Variants in OPN3 observed in about 807,000 individuals in gnomAD.
The protein encoded by OPN3 is opsin-3.
A neutral mutation model predicts 33.8 loss-of-function variants in OPN3; 29 were observed. The observed-to-expected ratio is 0.86, with a 90% CI of 0.64 to 1.17. The LOEUF is 1.17. OPN3 is among the 50% of genes most tolerant of loss of function. The pLI, the probability that OPN3 is intolerant of heterozygous loss-of-function variation, is 0.00. For missense variants in OPN3, 437 were observed against 514.1 expected (o/e 0.85, Z 1.45); for synonymous variants, 216 against 216.1 (o/e 1.00, Z 0.00).
intron 3 of OPN3, 98 bp from the exon 4 acceptor site, chr1:241,594,789 T>A: frequency 7.0e-7 from 1 of 1,433,304 alleles, no homozygotes; most frequent in Non-Finnish European, 9.5e-7. Flanking sequence ...TTAAGTTGTT[T>A]TTTGTTTGTT....
At position 241,614,335 on chromosome 1, in the gene OPN3, C is replaced by CT. The variant is rs577876238; in HGVS notation, c.374-9757_374-9756insA. Among the ~76,000 whole-genome samples the CT allele has an allele frequency of 2.1e-3, 309 of 149,724 alleles. 4 individuals are homozygous for CT. Among genetic ancestry groups the CT allele is most frequent in the South Asian group, 0.02 (97 of 4,818 alleles). Reference sequence around the variant, plus strand: ...GAAGAGAACGATTGAATGAGGCAGGCCACATGCTGTGGTCTGTGGCTAGCT... The same window carrying CT: ...GAAGAGAACGATTGAATGAGGCAGGCTCACATGCTGTGGTCTGTGGCTAGCT... On this transcript the variant is annotated intron_variant, in intron 1 of 3. Coordinates refer to ENST00000366554, the MANE Select transcript of OPN3 (RefSeq NM_014322.3).
intron 1 of OPN3, among the ~76,000 whole-genome samples, chr1:241,606,494 G>A (rs891396893): frequency 1.3e-5 from 2 of 151,672 alleles, no homozygotes; most frequent in East Asian, 1.9e-4. Flanking sequence ...GCAGTGAGCC[G>A]AGTTCGTGCC....
intron 1 of OPN3, chr1:241,635,927 T>G: frequency 1.5e-6 from 1 of 660,338 alleles, no homozygotes. Flanking sequence ...ATTTTTTTTC[T>G]TATAAGTCAG....
chr1:241,608,500 TAG>T (rs1158752847), intron 1 of OPN3, among the ~76,000 whole-genome samples: 1 of 152,028 alleles, frequency 6.6e-6, no homozygotes, highest in Non-Finnish European at 1.5e-5. Context: ...CTATGAAGAA[TAG>T]AGAGTGCAGG....
At chr1:241,600,540 G>T (rs950464880) in intron 2 of OPN3, 2 of 152,164 alleles carry the variant, frequency 1.3e-5, no homozygotes, top group South Asian at 4.1e-4. Context: ...ATAAATGGCT[G>T]GTGCCTAGTG....
intron 1 of OPN3, chr1:241,639,374 T>G (rs982877014): frequency 3.3e-5 from 5 of 152,322 alleles, no homozygotes; most frequent in African/African-American, 1.2e-4. Flanking sequence ...AGAATTTTTT[T>G]TTACACATTG....
chr1:241,619,875 A>G (rs1483024865), intron 1 of OPN3, among the ~76,000 whole-genome samples: 1 of 152,254 alleles, frequency 6.6e-6, no homozygotes, highest in Non-Finnish European at 1.5e-5. Context: ...TCTTCTTTAA[A>G]TGTTTGAGTT....
chr1:241,615,842 A>C (rs747506932), intron 1 of OPN3: 12 of 456,410 alleles, frequency 2.6e-5, no homozygotes, highest in South Asian at 1.9e-4. Context: ...CACTGTCACC[A>C]CCATTGCATA....
intron 1 of OPN3, among the ~76,000 whole-genome samples, chr1:241,625,200 C>T (rs1433243241): frequency 6.6e-6 from 1 of 152,186 alleles, no homozygotes; most frequent in Non-Finnish European, 1.5e-5. Flanking sequence ...ATAGTTAACA[C>T]CCATCTATAA....
intron 1 of OPN3, among the ~76,000 whole-genome samples, chr1:241,605,015 C>T (rs1415525339): frequency 6.0e-5 from 9 of 149,316 alleles, no homozygotes; most frequent in Non-Finnish European, 1.3e-4. Context: ...GAGATTGCGC[C>T]ACTGCACACC....
intron 1 of OPN3, among the ~76,000 whole-genome samples, chr1:241,615,117 G>GA (rs1281156731): frequency 6.7e-6 from 1 of 149,960 alleles, no homozygotes; most frequent in Non-Finnish European, 1.5e-5. Flanking sequence ...GGCTGAGTGG[G>GA]AAAAAAGTTT....
At chr1:241,608,590 A>T (rs558986869) in intron 1 of OPN3, among the ~76,000 whole-genome samples, 4 of 152,322 alleles carry the variant, frequency 2.6e-5, no homozygotes, top group Admixed American at 6.5e-5. Context: ...TCAGGAAAAG[A>T]CCCATTGCAC....
At chr1:241,622,330 G>A (rs79683228) in intron 1 of OPN3, among the ~76,000 whole-genome samples, 1 of 152,220 alleles carries the variant, frequency 6.6e-6, no homozygotes, top group African/African-American at 2.4e-5. Context: ...ATCTCCTTAG[G>A]TTAAATTCTT....
chr1:241,594,274 G>A lies in OPN3; in HGVS notation c.*154C>T, dbSNP rs1663426391. 3 of 777,434 alleles carry A rather than the reference G, an allele frequency of 3.9e-6. No individual in the cohort carries two copies. Among genetic ancestry groups the A allele is most frequent in the Admixed American group, 5.8e-5 (2 of 34,330 alleles). The allele number at this position is 777,434 out of a possible 1,614,324, so 48.2% of individuals were successfully genotyped here. A position where few individuals can be genotyped will look rare whatever the true frequency, so the allele number is the denominator to read the frequency against. On this transcript the variant is annotated 3_prime_UTR_variant, in exon 4 of 4. Transcript: ENST00000366554. ...ATTTGTTTTTGTTCAACCTCTTCCT[G>A]AGGCCCAAGAGCATATGGGCAATTC...
chr1:241,610,099 A>G (rs1024576971), intron 1 of OPN3, among the ~76,000 whole-genome samples: 6 of 152,244 alleles, frequency 3.9e-5, no homozygotes, highest in Non-Finnish European at 8.8e-5. Flanking sequence ...GGTTTTGAAG[A>G]CAGCGGTCTG....
At position 241,605,065 on chromosome 1, in the gene OPN3, A is replaced by AATAAAAT. The variant is rs3034562; in HGVS notation, c.374-487_374-486insATTTTAT. Among the ~76,000 whole-genome samples, 5 of 143,100 alleles carry AATAAAAT rather than the reference A, an allele frequency of 3.5e-5. No individual in the cohort carries two copies. The Admixed American group carries it at 3.5e-4, about 10-fold the overall frequency. The allele number at this position is 143,100 out of a possible 152,430, so 93.9% of individuals were successfully genotyped here. ...AGCCAGACCTTATCTCAAAAAAAAA[A>AATAAAAT]AAAATAAAATAAAATAAAATGGAAA... On this transcript the variant is annotated intron_variant, in intron 1 of 3. Transcript: ENST00000366554.
At chr1:241,606,877 A>C (rs1428064089) in intron 1 of OPN3, among the ~76,000 whole-genome samples, 1 of 152,192 alleles carries the variant, frequency 6.6e-6, no homozygotes, top group African/African-American at 2.4e-5. Flanking sequence ...TCCCCACGAA[A>C]TAGCTCTGTA....
Position 241,613,778 on chromosome 1 carries a change from C to T in OPN3, c.374-9199G>A, listed in dbSNP as rs75223084. Among the ~76,000 whole-genome samples, 28 of 152,224 alleles carry T rather than the reference C, an allele frequency of 1.8e-4. No homozygotes were observed. The East Asian group carries it at 5.2e-3, about 28-fold the overall frequency. ...TGGAAACTGCATTCTATTAAATTTT[C>T]ATGTTCAGTAGTCTTCATATTTCGT... is the stretch of plus-strand genomic sequence containing the variant. On this transcript the variant is annotated intron_variant, in intron 1 of 3. Transcript: ENST00000366554.
At chr1:241,599,599 G>T (rs1006468880) in intron 2 of OPN3, among the ~76,000 whole-genome samples, 2 of 152,062 alleles carry the variant, frequency 1.3e-5, no homozygotes, top group East Asian at 3.9e-4. Flanking sequence ...TTTATTTAAT[G>T]GGATAGAATA....
Sources: allele counts gnomAD v4.1 joint callset (sites outside exome capture counted in the v4.1 genomes callset), GRCh38; gene constraint gnomAD v4.1.1; transcripts MANE v1.5; gene names NCBI Gene and HGNC (gene_info 2026-07-23, HGNC 2026-07-21).